MAP4K5: variants seen among roughly 807,000 people sequenced by gnomAD.
MAP4K5 encodes mitogen-activated protein kinase kinase kinase kinase 5.
Under a neutral mutation model 135.6 loss-of-function variants are expected in MAP4K5, and 82 were observed. The ratio of observed to expected loss-of-function variants is 0.60; its 90% CI spans 0.51 to 0.73. The LOEUF is 0.73. Ranked by LOEUF, MAP4K5 falls within the 30% of genes least tolerant of loss-of-function variation. The pLI is 0.00. For missense variants in MAP4K5, 907 were observed against 1,010.9 expected (o/e 0.90, Z 1.39); for synonymous variants, 347 against 335.0 (o/e 1.04, Z -0.39).
At chr14:50,431,814 T>C (rs1463173715) in intron 28 of MAP4K5, among the ~76,000 whole-genome samples, 1 of 152,172 alleles carries the variant, frequency 6.6e-6, no homozygotes. Context: ...TCTAGATCCC[T>C]GAGGAATCGC....
intron 6 of MAP4K5, among the ~76,000 whole-genome samples, chr14:50,481,062 GT>G (rs761500794): frequency 2.8e-4 from 40 of 140,986 alleles, no homozygotes; most frequent in Admixed American, 4.2e-4. Context: ...ATTCGACTTT[GT>G]TTTTTTTTTT....
At chr14:50,479,943 A>G (rs184481885) in intron 6 of MAP4K5, among the ~76,000 whole-genome samples, 12 of 151,868 alleles carry the variant, frequency 7.9e-5, no homozygotes, top group Admixed American at 7.9e-4. Context: ...TTTGTTTCCT[A>G]TTTTTCAGGC....
At position 50,428,630 on chromosome 14, in the gene MAP4K5, G is replaced by A. The variant is rs187665966; in HGVS notation, c.2326+32C>T. On this transcript the variant is annotated intron_variant, in intron 30 of 32. Transcript: ENST00000682126. ...TGAATTTTAATAATCATTAAGTATC[G>A]CAAACTGATTTATGAAAAAAAGGAA... The A allele has an allele frequency of 3.8e-3, 4,524 of 1,205,204 alleles. 36 individuals carry two copies. The highest frequency in any genetic ancestry group is 0.02 in the South Asian group (1,343 of 67,776). The allele number at this position is 1,205,204 out of a possible 1,614,324, so 74.7% of individuals were successfully genotyped here. A position where few individuals can be genotyped will look rare whatever the true frequency, so the allele number is the denominator to read the frequency against.
intron 3 of MAP4K5, among the ~76,000 whole-genome samples, chr14:50,498,505 G>T (rs977598541): frequency 6.6e-6 from 1 of 152,084 alleles, no homozygotes; most frequent in Non-Finnish European, 1.5e-5. Context: ...TAATAAACGC[G>T]ATTTTCTGTG....
upstream of MAP4K5, among the ~76,000 whole-genome samples, chr14:50,535,201 TC>T (rs1233022239): frequency 2.0e-5 from 3 of 152,358 alleles, no homozygotes; most frequent in African/African-American, 4.8e-5. Context: ...TGAAAGTTCT[TC>T]AGTAAAATGC....
chr14:50,540,802 A>G (rs1028136353), intron 2 of MAP4K5, among the ~76,000 whole-genome samples: 1 of 152,154 alleles, frequency 6.6e-6, no homozygotes, highest in African/African-American at 2.4e-5. Flanking sequence ...AACAAGTGTA[A>G]CCTCCCTAGC....
chr14:50,475,654 C>T (rs1566665452), intron 8 of MAP4K5, among the ~76,000 whole-genome samples: 2 of 152,330 alleles, frequency 1.3e-5, no homozygotes, highest in Middle Eastern at 3.4e-3. Flanking sequence ...ACACAGTGAG[C>T]TATGACTGAA....
chr14:50,507,475 G>A (rs1404132790), intron 2 of MAP4K5, among the ~76,000 whole-genome samples: 3 of 152,146 alleles, frequency 2.0e-5, no homozygotes, highest in Non-Finnish European at 4.4e-5. Flanking sequence ...GCTTTCTTTT[G>A]TGGGCATTTA....
intron 28 of MAP4K5, among the ~76,000 whole-genome samples, chr14:50,430,457 C>T (rs34255024): frequency 0.044 from 5,523 of 124,664 alleles, 1 homozygote; most frequent in African/African-American, 0.087. Flanking sequence ...CTAACACAGA[C>T]GCATTCATTG....
chr14:50,476,308 T>C lies in MAP4K5; in HGVS notation c.379-2A>G. On this transcript the variant is annotated splice_acceptor_variant, in intron 6 of 32. Transcript: ENST00000682126. LOFTEE classifies it high-confidence loss of function. The stretch of plus-strand genomic sequence containing the variant: ...TTTAGTATGCAAATAGGCAAGACCC[T>C]AAAAGTTTAAAAAAAAAAAAAAAGA... 1.5e-6 allele frequency: 2 copies of C among 1,328,162 alleles called. No homozygotes were observed. Among genetic ancestry groups the C allele is most frequent in the South Asian group, 1.7e-5 (1 of 58,002 alleles). 82.3% of individuals were successfully genotyped at this position (1,328,162 alleles called of 1,614,324 possible).
Position 50,425,903 on chromosome 14 carries a change from T to C in MAP4K5, c.2397+4A>G, listed in dbSNP as rs763243979. 6 of 1,608,512 alleles carry C rather than the reference T, an allele frequency of 3.7e-6. No individual in the cohort carries two copies. The African/African-American group carries it at 6.7e-5, about 18-fold the overall frequency. On this transcript the variant is annotated splice_donor_region_variant and intron_variant, in intron 31 of 32. Coordinates refer to ENST00000682126, the MANE Select transcript of MAP4K5 (RefSeq NM_006575.6). ...GTCAGTGGAGGTAATCTGAGAAGGC[T>C]TACCTCATCTGACTTGAAGCTTTTA...
At chr14:50,522,925 T>C (rs141231914) in intron 2 of MAP4K5, among the ~76,000 whole-genome samples, 2 of 152,300 alleles carry the variant, frequency 1.3e-5, no homozygotes, top group Non-Finnish European at 2.9e-5. Context: ...AGAGAAGACA[T>C]AAGAAACAGC....
At chr14:50,517,153 T>C (rs755015840) in intron 2 of MAP4K5, among the ~76,000 whole-genome samples, 6 of 138,314 alleles carry the variant, frequency 4.3e-5, no homozygotes, top group Non-Finnish European at 7.9e-5. Flanking sequence ...ATTACAATAC[T>C]TTTTTTTTTT....
At chr14:50,423,931 TG>T (rs1431763712) in intron 31 of MAP4K5, among the ~76,000 whole-genome samples, 1 of 152,212 alleles carries the variant, frequency 6.6e-6, no homozygotes, top group East Asian at 1.9e-4. Context: ...AATTCTGAGG[TG>T]TATTTTACCC....
chr14:50,428,435 T>C (rs1018186233), intron 30 of MAP4K5, among the ~76,000 whole-genome samples: 8 of 35,140 alleles, frequency 2.3e-4, no homozygotes, highest in Non-Finnish European at 3.6e-4. Flanking sequence ...TTAGTATTTT[T>C]AGTAGAGACG....
intron 15 of MAP4K5, among the ~76,000 whole-genome samples, chr14:50,447,877 A>C (rs1251819462): frequency 8.5e-6 from 1 of 118,174 alleles, no homozygotes; most frequent in Non-Finnish European, 1.8e-5. Context: ...CTTAGCATGG[A>C]AACTGGGGTT....
At chr14:50,507,899 T>G (rs2037846955) in intron 2 of MAP4K5, among the ~76,000 whole-genome samples, 1 of 152,164 alleles carries the variant, frequency 6.6e-6, no homozygotes, top group African/African-American at 2.4e-5. Context: ...GTCCTGGATA[T>G]CCTTGTTAAC....
intron 29 of MAP4K5, 106 bp from the exon 30 acceptor site, chr14:50,428,860 A>C (rs2035907713): frequency 2.9e-6 from 2 of 680,896 alleles, no homozygotes; most frequent in African/African-American, 3.7e-5. Flanking sequence ...TTCTTAATAA[A>C]GTTCAACTAT....
intron 2 of MAP4K5, among the ~76,000 whole-genome samples, chr14:50,523,689 T>C (rs1007708946): frequency 7.9e-5 from 12 of 152,228 alleles, no homozygotes; most frequent in African/African-American, 1.4e-4. Context: ...TAACGTATTA[T>C]ACAATGTGTT....
Sources: gnomAD v4.1 joint callset for allele counts (sites outside exome capture counted in the v4.1 genomes callset) on GRCh38, gnomAD v4.1.1 for gene constraint, MANE v1.5 for transcripts, NCBI Gene and HGNC (gene_info 2026-07-23, HGNC 2026-07-21) for gene names.